Variants in SNRPN observed in about 807,000 individuals in gnomAD.
The protein encoded by SNRPN is small nuclear ribonucleoprotein polypeptide N.
A neutral mutation model predicts 25.2 loss-of-function variants in SNRPN; 7 were observed. The observed-to-expected ratio is 0.28, with a 90% CI of 0.16 to 0.52. The LOEUF is 0.52. Among genes scored for constraint, SNRPN ranks in the 20% least tolerant of loss-of-function variants. SNRPN has a pLI of 0.96. For missense variants in SNRPN, 196 were observed against 322.5 expected, an observed-to-expected ratio of 0.61 and a Z score of 3.00; for synonymous variants, 124 against 110.6, an observed-to-expected ratio of 1.12 and a Z score of -0.76.
intron 3 of SNRPN, among the ~76,000 whole-genome samples, chr15:24,941,232 C>A (rs1247451574): frequency 6.6e-6 from 1 of 152,122 alleles, no homozygotes; most frequent in African/African-American, 2.4e-5. Context: ...CTGCCTTGGC[C>A]TCCCAAAGTG....
chr15:24,868,501 C>T (rs1163769577), intron 1 of SNRPN, among the ~76,000 whole-genome samples: 1 of 152,170 alleles, frequency 6.6e-6, no homozygotes, highest in Non-Finnish European at 1.5e-5. Context: ...GTACCTTCAG[C>T]TGTGCTCTAT....
At chr15:24,843,788 AACACACACAC>A (rs56693061) in intron 2 of SNRPN, among the ~76,000 whole-genome samples, 6 of 139,806 alleles carry the variant, frequency 4.3e-5, no homozygotes, top group South Asian at 2.4e-4. Context: ...CTCCATCACA[AACACACACAC>A]ACACACACAC....
intron 1 of SNRPN, among the ~76,000 whole-genome samples, chr15:24,956,392 G>C (rs940321724): frequency 1.3e-5 from 2 of 151,056 alleles, no homozygotes; most frequent in African/African-American, 4.9e-5. Context: ...AGCCGCCAGT[G>C]GGGAGGGGGC....
chr15:24,888,112 C>CTTTTTTT (rs113183574), intron 2 of SNRPN, among the ~76,000 whole-genome samples: 8,089 of 139,642 alleles, frequency 0.058, 353 homozygotes, highest in Middle Eastern at 0.079. Flanking sequence ...TTAGAAATGA[C>CTTTTTTT]TTTTTTTTTT....
chr15:24,878,700 C>T lies in SNRPN; in HGVS notation c.-578-7816C>T, dbSNP rs568634114. 7.2e-5 allele frequency among the ~76,000 whole-genome samples: 11 copies of T among 152,226 alleles called. No individual in the cohort carries two copies. In the South Asian group the frequency reaches 2.1e-3, roughly 29 times the overall value. On this transcript the variant is annotated intron_variant, in intron 1 of 11. Transcript: ENST00000400097. ...ACAGCCCCTCCTCTTGTTACATAAA[C>T]ATTGACCAGTAATTGTATATCCTTC...
intron 3 of SNRPN, among the ~76,000 whole-genome samples, chr15:24,932,630 G>A (rs2060948825): frequency 6.7e-6 from 1 of 150,312 alleles, no homozygotes; most frequent in African/African-American, 2.4e-5. Flanking sequence ...ACCAATAAGA[G>A]TCATTGAGTC....
chr15:24,842,621 G>C (rs1226479083), intron 2 of SNRPN, among the ~76,000 whole-genome samples: 1 of 152,184 alleles, frequency 6.6e-6, no homozygotes, highest in Non-Finnish European at 1.5e-5. Flanking sequence ...TTTCAGGGCA[G>C]AGAGGAACAA....
chr15:24,841,933 T>C (rs1245504588), intron 2 of SNRPN, among the ~76,000 whole-genome samples: 2 of 152,152 alleles, frequency 1.3e-5, no homozygotes, highest in Non-Finnish European at 2.9e-5. Flanking sequence ...CTAGGGGACC[T>C]TGAACTATGA....
intron 1 of SNRPN, among the ~76,000 whole-genome samples, chr15:24,872,211 A>C (rs1483737533): frequency 4.3e-5 from 5 of 117,342 alleles, no homozygotes; most frequent in African/African-American, 1.5e-4. Flanking sequence ...TTTGTTGCCC[A>C]GGTTGGAGTG....
intron 3 of SNRPN, among the ~76,000 whole-genome samples, chr15:24,922,498 G>A (rs2060089109): frequency 6.6e-6 from 1 of 152,112 alleles, no homozygotes. Context: ...ACATGATCCT[G>A]AGCTCCCTCA....
upstream of SNRPN, among the ~76,000 whole-genome samples, chr15:24,853,973 G>T (rs900798864): frequency 3.9e-5 from 6 of 152,164 alleles, no homozygotes; most frequent in Non-Finnish European, 5.9e-5. Flanking sequence ...TTCAACATGT[G>T]AAATGTGTCA....
At position 24,908,951 on chromosome 15, in the gene SNRPN, T is replaced by G. The variant is rs999740870; in HGVS notation, c.-504-11060T>G. The stretch of plus-strand genomic sequence containing the variant: ...GGTTTAGCTCTCAGCAGCCTGCTTC[T>G]GAGCTCTGAGGAAGCTTGCATTCTT... On this transcript the variant is annotated intron_variant, in intron 2 of 11. Coordinates refer to the SNRPN transcript ENST00000400097. The G allele has an allele frequency of 8.3e-6, 11 of 1,321,346 alleles. No individual in the cohort carries two copies. In the Admixed American group the frequency reaches 2.0e-4, roughly 24 times the overall value. The allele number at this position is 1,321,346 out of a possible 1,614,324, so 81.9% of individuals were successfully genotyped here. A position where few individuals can be genotyped will look rare whatever the true frequency, so the allele number is the denominator to read the frequency against.
intron 2 of SNRPN, among the ~76,000 whole-genome samples, chr15:24,911,987 C>G (rs1025133635): frequency 3.3e-5 from 5 of 152,146 alleles, no homozygotes; most frequent in Non-Finnish European, 7.4e-5. Flanking sequence ...CAGCAGGGTC[C>G]CCTGGGGGCT....
At chr15:24,915,169 C>G (rs570390708) in intron 2 of SNRPN, among the ~76,000 whole-genome samples, 36 of 152,048 alleles carry the variant, frequency 2.4e-4, no homozygotes, top group African/African-American at 8.4e-4. Context: ...GCTCTGTCAT[C>G]CAGGCTGGAG....
Position 24,976,380 on chromosome 15 carries a change from G to T in SNRPN, c.231G>T (p.Leu77Phe). ...LGLVLLRGENLVSMTVEGPPP... is the reference protein window; with the variant it reads ...LGLVLLRGENFVSMTVEGPPP... ...TGGTGTTGCTGCGTGGGGAGAACTTGGTATCCATGACTGTGGAGGGGCCAC... is the reference window on the plus strand; with the variant it reads ...TGGTGTTGCTGCGTGGGGAGAACTTTGTATCCATGACTGTGGAGGGGCCAC... Residue 77 changes from leucine to phenylalanine, a missense_variant, in exon 6 of 10, where the codon TTG (leucine) becomes TTT (phenylalanine). By Grantham distance (22) the Leu-to-Phe change is conservative (BLOSUM62 0). Transcript: ENST00000390687. 6.2e-7 allele frequency: 1 copy of T among 1,613,156 alleles called. No individual in the cohort carries two copies.
chr15:24,971,614 C>T (rs1005452852), intron 3 of SNRPN, among the ~76,000 whole-genome samples: 6 of 152,056 alleles, frequency 3.9e-5, no homozygotes, highest in Non-Finnish European at 8.8e-5. Flanking sequence ...TAACTCACAT[C>T]CCTAGATGTG....
chr15:24,948,914 G>T (rs3932180), intron 3 of SNRPN, among the ~76,000 whole-genome samples: 1 of 147,228 alleles, frequency 6.8e-6, no homozygotes. Context: ...ATCCCAGAAA[G>T]AAACCTCATA....
At chr15:24,854,239 A>G (rs1244340009), upstream of SNRPN, among the ~76,000 whole-genome samples, 1 of 151,940 alleles carries the variant, frequency 6.6e-6, no homozygotes, top group Non-Finnish European at 1.5e-5. Context: ...ACCTTTTAAT[A>G]CTGCTACAGT....
chr15:24,857,745 C>T (rs916867037), intron 1 of SNRPN, among the ~76,000 whole-genome samples: 1 of 152,022 alleles, frequency 6.6e-6, no homozygotes, highest in Non-Finnish European at 1.5e-5. Context: ...TAGACAGAGC[C>T]GATTTATCAA....
Sources: gnomAD v4.1 joint callset for allele counts (sites outside exome capture counted in the v4.1 genomes callset) on GRCh38, gnomAD v4.1.1 for gene constraint, MANE v1.5 for transcripts, NCBI Gene and HGNC (gene_info 2026-07-23, HGNC 2026-07-21) for gene names.